Variants in ABCA13 observed in about 807,000 individuals in gnomAD.
ABCA13 encodes the protein ATP-binding cassette sub-family A member 13.
ABCA13 carries 476 observed loss-of-function variants against 478.7 expected under a neutral mutation model. That is an observed-to-expected ratio of 0.99 (90% CI 0.92 to 1.07). The LOEUF (loss-of-function observed/expected upper bound fraction) is 1.07. ABCA13 is among the 50% of genes least tolerant of loss of function. ABCA13 has a pLI of 0.00. For synonymous variants in ABCA13, 2,252 were observed against 2,158.9 expected, an observed-to-expected ratio of 1.04 and a Z score of -1.20; for missense variants, 6,060 against 5,910.6, an observed-to-expected ratio of 1.03 and a Z score of -0.83.
chr7:48,549,371 A>G (rs933455669), intron 55 of ABCA13, among the ~76,000 whole-genome samples: 4 of 151,798 alleles, frequency 2.6e-5, no homozygotes, highest in Admixed American at 6.6e-5. Flanking sequence ...AGCTTCATCC[A>G]TGTCCCTGCA....
intron 59 of ABCA13, among the ~76,000 whole-genome samples, chr7:48,641,428 T>C (rs1795093665): frequency 6.6e-6 from 1 of 152,236 alleles, no homozygotes; most frequent in Admixed American, 6.5e-5. Context: ...TCTACTTAGT[T>C]ACACAGTGCC....
chr7:48,396,691 G>A (rs1816878967), intron 38 of ABCA13, among the ~76,000 whole-genome samples: 1 of 152,210 alleles, frequency 6.6e-6, no homozygotes, highest in African/African-American at 2.4e-5. Flanking sequence ...CCATGAGTCT[G>A]AGAAGTGAAG....
At chr7:48,205,048 C>T (rs1784751470) in intron 3 of ABCA13, among the ~76,000 whole-genome samples, 1 of 152,208 alleles carries the variant, frequency 6.6e-6, no homozygotes, top group Non-Finnish European at 1.5e-5. Flanking sequence ...TCTCCTTGCC[C>T]TGCCTAGGCA....
chr7:48,559,110 C>T (rs887556562), intron 55 of ABCA13, among the ~76,000 whole-genome samples: 3 of 152,188 alleles, frequency 2.0e-5, no homozygotes, highest in South Asian at 4.1e-4. Flanking sequence ...GTGTCATTCC[C>T]TTCAGGGGGT....
intron 55 of ABCA13, among the ~76,000 whole-genome samples, chr7:48,574,831 A>G (rs145352979): frequency 6.6e-6 from 1 of 152,298 alleles, no homozygotes; most frequent in Admixed American, 6.5e-5. Flanking sequence ...TGGGATTTGA[A>G]TCTTTAATTC....
chr7:48,404,457 C>T (rs1398141049), intron 39 of ABCA13: 3 of 165,458 alleles, frequency 1.8e-5, no homozygotes. Context: ...TGAGAATACT[C>T]CCTTTTGGAA....
chr7:48,491,724 T>G (rs1418087933), intron 48 of ABCA13, among the ~76,000 whole-genome samples: 1 of 152,204 alleles, frequency 6.6e-6, no homozygotes, highest in East Asian at 1.9e-4. Context: ...TATCAAAATA[T>G]TGATAAAGAA....
At chr7:48,287,294 G>T (rs1163399867) in intron 19 of ABCA13, among the ~76,000 whole-genome samples, 12 of 152,222 alleles carry the variant, frequency 7.9e-5, no homozygotes, top group Non-Finnish European at 1.8e-4. Context: ...CTGTAATGGG[G>T]GATCTCCTTT....
At chr7:48,314,519 C>A in intron 26 of ABCA13, 110 bp downstream of exon 26, 1 of 1,025,378 alleles carries the variant, frequency 9.8e-7, no homozygotes, top group Non-Finnish European at 1.4e-6. Flanking sequence ...TATATACTGG[C>A]ATAGAATCTT....
At chr7:48,475,551 C>T (rs1170356199) in intron 45 of ABCA13, among the ~76,000 whole-genome samples, 3 of 150,242 alleles carry the variant, frequency 2.0e-5, no homozygotes, top group South Asian at 2.1e-4. Flanking sequence ...CTGCCACCTC[C>T]GCCTTCTGGG....
intron 19 of ABCA13, among the ~76,000 whole-genome samples, chr7:48,285,214 G>C (rs986043358): frequency 2.0e-5 from 3 of 152,148 alleles, no homozygotes; most frequent in African/African-American, 7.2e-5. Flanking sequence ...AGAGACCTGA[G>C]AGGGTCCATG....
intron 40 of ABCA13, among the ~76,000 whole-genome samples, chr7:48,412,008 T>C (rs915947297): frequency 1.3e-5 from 2 of 152,172 alleles, no homozygotes; most frequent in African/African-American, 4.8e-5. Flanking sequence ...TGCTGTTCAA[T>C]GCTAGGCCCA....
chr7:48,640,902 C>G (rs1463302325), intron 59 of ABCA13, among the ~76,000 whole-genome samples: 1 of 152,114 alleles, frequency 6.6e-6, no homozygotes, highest in African/African-American at 2.4e-5. Flanking sequence ...CCTATTTCAA[C>G]CTATCTCCTA....
At chr7:48,173,452 T>C (rs1562696661) in intron 1 of ABCA13, among the ~76,000 whole-genome samples, 1 of 152,244 alleles carries the variant, frequency 6.6e-6, no homozygotes, top group Admixed American at 6.5e-5. Context: ...TTTATGCATC[T>C]CTGTTATGTG....
chr7:48,274,685 A>T lies in ABCA13; in HGVS notation c.5019A>T (p.Ala1673=). The T allele has an allele frequency of 6.2e-7, 1 of 1,614,006 alleles. No homozygotes were observed. The change falls in exon 17 of 62, where the codon GCA becomes GCT. Residue 1673 remains alanine (A), a synonymous_variant. Coordinates refer to ENST00000435803, the MANE Select transcript of ABCA13 (RefSeq NM_152701.5). ...VTSVMRTLKK[A]DIDLLVDQLE... The stretch of plus-strand genomic sequence containing the variant: ...CTGTCATGCGTACCCTTAAGAAGGC[A>T]GACATAGACCTTTTAGTGGATCAGC...
intron 15 of ABCA13, among the ~76,000 whole-genome samples, chr7:48,252,922 T>G (rs1443478505): frequency 6.6e-6 from 1 of 152,192 alleles, no homozygotes; most frequent in East Asian, 1.9e-4. Flanking sequence ...AAATTTCCAC[T>G]TCCCCCAGCT....
At chr7:48,246,130 T>C (rs1412884418) in intron 13 of ABCA13, 100 bp downstream of exon 13, 4 of 1,345,928 alleles carry the variant, frequency 3.0e-6, no homozygotes, top group Non-Finnish European at 4.0e-6. Context: ...GAGGAAAGTT[T>C]TGCCGTAAGC....
At chr7:48,570,064 T>C (rs945470441) in intron 55 of ABCA13, among the ~76,000 whole-genome samples, 2 of 152,118 alleles carry the variant, frequency 1.3e-5, no homozygotes, top group African/African-American at 4.8e-5. Context: ...GTATTGAACT[T>C]GTTCTATTGT....
intron 23 of ABCA13, 55 bp from the exon 24 acceptor site, chr7:48,309,892 T>C: frequency 6.3e-7 from 1 of 1,592,276 alleles, no homozygotes; most frequent in African/African-American, 1.3e-5. Flanking sequence ...TCTGAGGTGG[T>C]GAAGCACATG....
Sources: gnomAD v4.1 joint callset for allele counts (sites outside exome capture counted in the v4.1 genomes callset) on GRCh38, gnomAD v4.1.1 for gene constraint, MANE v1.5 for transcripts, NCBI Gene and HGNC (gene_info 2026-07-23, HGNC 2026-07-21) for gene names.